The following PPP2R2A variants were observed in gnomAD, a reference collection of about 807,000 sequenced individuals.
PPP2R2A encodes the protein protein phosphatase 2 regulatory subunit Balpha.
PPP2R2A carries 9 observed loss-of-function variants against 53.2 expected under a neutral mutation model. The observed-to-expected ratio is 0.17, with a 90% CI of 0.10 to 0.30. The LOEUF is 0.30. PPP2R2A is among the 10% of genes least tolerant of loss of function. The pLI is 1.00. For synonymous variants in PPP2R2A, 169 were observed against 174.2 expected (o/e 0.97, Z 0.23); for missense variants, 235 against 534.6 (o/e 0.44, Z 5.53).
At chr8:26,297,460 G>T (rs1186546594) in intron 2 of PPP2R2A, among the ~76,000 whole-genome samples, 1 of 152,068 alleles carries the variant, frequency 6.6e-6, no homozygotes, top group Non-Finnish European at 1.5e-5. Context: ...TTGAGATACC[G>T]TACTCTCTAG....
intron 2 of PPP2R2A, among the ~76,000 whole-genome samples, chr8:26,320,051 G>A (rs993147920): frequency 2.6e-5 from 4 of 152,074 alleles, no homozygotes; most frequent in Non-Finnish European, 4.4e-5. Flanking sequence ...CCTAAGTGCC[G>A]TGCTAAAATG....
Position 26,370,623 on chromosome 8 carries a change from A to G in PPP2R2A, c.*210A>G, listed in dbSNP as rs1585421540. 6.6e-6 allele frequency: 4 copies of G among 609,292 alleles called. No individual in the cohort carries two copies. The Admixed American group carries it at 1.2e-4, about 18-fold the overall frequency. 37.7% of individuals were successfully genotyped at this position (609,292 alleles called of 1,614,324 possible). On this transcript the variant is annotated 3_prime_UTR_variant, in exon 10 of 10. Transcript: ENST00000380737. This position sits in a 1 kb window ranked among gnomAD's most constrained non-coding sequence, Gnocchi z 6.1. ...CTCCATGTCTGCTAGCCATTTAGGTAAGGGTAGGGCACTTTTAATTTAAAT... is the reference window on the plus strand; with the variant it reads ...CTCCATGTCTGCTAGCCATTTAGGTGAGGGTAGGGCACTTTTAATTTAAAT...
intron 2 of PPP2R2A, among the ~76,000 whole-genome samples, chr8:26,329,416 T>G (rs1803258154): frequency 6.6e-6 from 1 of 152,204 alleles, no homozygotes; most frequent in South Asian, 2.1e-4. Context: ...ACCCTGAAAT[T>G]GTAAAGTTAA....
chr8:26,340,334 T>TTCAG (rs2117331705), intron 3 of PPP2R2A, among the ~76,000 whole-genome samples: 1 of 152,156 alleles, frequency 6.6e-6, no homozygotes, highest in Admixed American at 6.5e-5. Context: ...CATGTCGTTT[T>TTCAG]TCAGTATTCT....
chr8:26,342,630 GGTT>G (rs1803999736), intron 3 of PPP2R2A, among the ~76,000 whole-genome samples: 3 of 152,104 alleles, frequency 2.0e-5, no homozygotes, highest in African/African-American at 7.2e-5. Context: ...TGAGGAGGGA[GGTT>G]GTACCTCTTT....
Position 26,370,548 on chromosome 8 carries a change from A to G in PPP2R2A, c.*135A>G, listed in dbSNP as rs545688013. ...TTGACAGTGTGCCATTCGACAACAC[A>G]TTGTTATAGCTACATGGAGAAAGCT... On this transcript the variant is annotated 3_prime_UTR_variant, in exon 10 of 10. Coordinates refer to ENST00000380737, the MANE Select transcript of PPP2R2A (RefSeq NM_002717.4). The surrounding 1 kb of genome is among the most constrained non-coding windows in gnomAD (Gnocchi z 6.1). 3.6e-5 allele frequency: 35 copies of G among 968,340 alleles called. No homozygotes were observed. Among genetic ancestry groups the G allele is most frequent in the Non-Finnish European group, 5.0e-5 (33 of 655,840 alleles). The allele number at this position is 968,340 out of a possible 1,614,324, so 60.0% of individuals were successfully genotyped here. A position where few individuals can be genotyped will look rare whatever the true frequency, so the allele number is the denominator to read the frequency against.
intron 2 of PPP2R2A, among the ~76,000 whole-genome samples, chr8:26,310,666 TCC>T (rs766413089): frequency 3.5e-5 from 5 of 144,626 alleles, no homozygotes; most frequent in Non-Finnish European, 4.6e-5. Context: ...ATTTTTTTTT[TCC>T]TTTTTTTTTT....
intron 2 of PPP2R2A, among the ~76,000 whole-genome samples, chr8:26,329,463 TG>T (rs1362482836): frequency 6.6e-6 from 1 of 152,232 alleles, no homozygotes; most frequent in Non-Finnish European, 1.5e-5. Flanking sequence ...AATTTATGAC[TG>T]TTACATTCTC....
At position 26,354,199 on chromosome 8, in the gene PPP2R2A, A is replaced by C. The variant is rs1804660525; in HGVS notation, c.181-269A>C. Among the ~76,000 whole-genome samples the C allele has an allele frequency of 6.6e-6, 1 of 152,088 alleles. No individual in the cohort carries two copies. Among genetic ancestry groups the C allele is most frequent in the South Asian group, 2.1e-4 (1 of 4,826 alleles). On this transcript the variant is annotated intron_variant, in intron 3 of 9. Coordinates refer to ENST00000380737, the MANE Select transcript of PPP2R2A (RefSeq NM_002717.4). This position sits in a 1 kb window ranked among gnomAD's most constrained non-coding sequence, Gnocchi z 4.6. Reference sequence around the variant, plus strand: ...CTATACCATCAAATACATAAGAGTAAATTAGCAATCAAATTGATCCATATT... The same window carrying C: ...CTATACCATCAAATACATAAGAGTACATTAGCAATCAAATTGATCCATATT...
intron 2 of PPP2R2A, among the ~76,000 whole-genome samples, chr8:26,309,757 G>C (rs1350704598): frequency 6.6e-6 from 1 of 152,120 alleles, no homozygotes. Context: ...CAAGGAGGGA[G>C]AGAGAGAGGG....
chr8:26,360,844 A>T lies in PPP2R2A; in HGVS notation c.460-130A>T. 1.2e-6 allele frequency: 1 copy of T among 863,446 alleles called. No individual in the cohort carries two copies. The highest frequency in any genetic ancestry group is 1.7e-6 in the Non-Finnish European group (1 of 596,674). 53.5% of individuals were successfully genotyped at this position (863,446 alleles called of 1,614,324 possible). On this transcript the variant is annotated intron_variant, in intron 5 of 9. Coordinates refer to ENST00000380737, the MANE Select transcript of PPP2R2A (RefSeq NM_002717.4). The surrounding 1 kb of genome is among the most constrained non-coding windows in gnomAD (Gnocchi z 4.5). ...AAGGATCAACATCAGTTGCTTTTTA[A>T]AACTAAATCTATGTAATATTGTTCT...
At chr8:26,301,764 CTG>C (rs1190062581) in intron 2 of PPP2R2A, among the ~76,000 whole-genome samples, 1 of 152,184 alleles carries the variant, frequency 6.6e-6, no homozygotes, top group Non-Finnish European at 1.5e-5. Context: ...TTCCAAATGT[CTG>C]TGAAGTAAAA....
intron 3 of PPP2R2A, among the ~76,000 whole-genome samples, chr8:26,343,293 G>GGGCTTTCTA (rs1804043943): frequency 6.6e-6 from 1 of 152,138 alleles, no homozygotes; most frequent in African/African-American, 2.4e-5. Flanking sequence ...AACATTTATA[G>GGGCTTTCTA]GGCTTTCTAG....
chr8:26,293,751 G>A lies in PPP2R2A; in HGVS notation c.82+11G>A, dbSNP rs116762879. On this transcript the variant is annotated intron_variant, in intron 2 of 9. Transcript: ENST00000380737. Reference sequence around the variant, plus strand: ...ATGATGTAGCAGAAGGTAAGAAAGCGTTTAATGCAAAATTTGGATATATAA... The same window carrying A: ...ATGATGTAGCAGAAGGTAAGAAAGCATTTAATGCAAAATTTGGATATATAA... 420 of 1,612,106 alleles carry A rather than the reference G, an allele frequency of 2.6e-4. 2 individuals carry two copies. The African/African-American group carries it at 4.9e-3, about 19-fold the overall frequency.
chr8:26,333,626 A>G (rs2117308963), intron 2 of PPP2R2A: 5 of 820,412 alleles, frequency 6.1e-6, no homozygotes, highest in Non-Finnish European at 7.8e-6. Flanking sequence ...GATAGTAATT[A>G]TTTGTTACAC....
chr8:26,342,749 T>C (rs1227243994), intron 3 of PPP2R2A, among the ~76,000 whole-genome samples: 1 of 152,222 alleles, frequency 6.6e-6, no homozygotes, highest in African/African-American at 2.4e-5. Flanking sequence ...CTTTTTTTAT[T>C]CTTAATGTGG....
At chr8:26,339,131 T>C (rs1163138172) in intron 3 of PPP2R2A, 144 bp downstream of exon 3, 5 of 599,750 alleles carry the variant, frequency 8.3e-6, no homozygotes, top group Non-Finnish European at 2.9e-6. Flanking sequence ...TATAGACAGC[T>C]CTGGTTCTCT....
intron 2 of PPP2R2A, among the ~76,000 whole-genome samples, chr8:26,336,625 C>A (rs1803674870): frequency 6.6e-6 from 1 of 152,098 alleles, no homozygotes; most frequent in Admixed American, 6.5e-5. Context: ...TTGCAAACTT[C>A]CAGCAGTTTG....
chr8:26,315,504 A>G (rs1046948594), intron 2 of PPP2R2A, among the ~76,000 whole-genome samples: 3 of 152,118 alleles, frequency 2.0e-5, no homozygotes, highest in Non-Finnish European at 2.9e-5. Context: ...CTTCCTCTCA[A>G]ATTGATACCT....
Sources: allele counts gnomAD v4.1 joint callset (sites outside exome capture counted in the v4.1 genomes callset), GRCh38; gene constraint gnomAD v4.1.1; non-coding constraint Gnocchi (gnomAD v3.1); transcripts MANE v1.5; gene names NCBI Gene and HGNC (gene_info 2026-07-23, HGNC 2026-07-21).